Variants in SUGCT observed in about 807,000 individuals in gnomAD.
SUGCT encodes the protein succinyl-CoA:glutarate CoA-transferase.
Under a neutral mutation model 55.0 loss-of-function variants are expected in SUGCT, and 41 were observed. The observed-to-expected ratio is 0.74, with a 90% confidence interval of 0.58 to 0.97. SUGCT has a LOEUF of 0.97. Among genes scored for constraint, SUGCT ranks in the 50% least tolerant of loss-of-function variants. The pLI is 0.00. For missense variants in SUGCT, 568 were observed against 547.8 expected (o/e 1.04, Z -0.37); for synonymous variants, 187 against 200.4 (o/e 0.93, Z 0.56).
intron 13 of SUGCT, among the ~76,000 whole-genome samples, chr7:40,779,462 TAAC>T (rs1305156340): frequency 1.3e-5 from 2 of 152,178 alleles, no homozygotes; most frequent in Non-Finnish European, 2.9e-5. Flanking sequence ...CTTGGAGGCT[TAAC>T]AAGATTTTGA....
chr7:40,204,977 G>A (rs1301184694), intron 6 of SUGCT, among the ~76,000 whole-genome samples: 1 of 151,210 alleles, frequency 6.6e-6, no homozygotes, highest in Non-Finnish European at 1.5e-5. Flanking sequence ...AGAAGGGCCC[G>A]GTGCAATGGC....
At chr7:40,987,665 A>G in the SUGCT span, among the ~76,000 whole-genome samples, 2 of 152,204 alleles carry the variant, frequency 1.3e-5, no homozygotes, top group East Asian at 3.8e-4. Flanking sequence ...GCAATGATGA[A>G]GGAGGCAGAA....
intron 11 of SUGCT, among the ~76,000 whole-genome samples, chr7:40,480,297 G>A (rs371114132): frequency 3.3e-5 from 5 of 151,802 alleles, no homozygotes; most frequent in African/African-American, 4.8e-5. Flanking sequence ...TTCTATGTTC[G>A]TGGCATCCCT....
the SUGCT span, among the ~76,000 whole-genome samples, chr7:40,970,106 A>C: frequency 1.3e-5 from 2 of 152,160 alleles, no homozygotes. Flanking sequence ...GAGGCTTTTT[A>C]ATTGGGAACT....
chr7:40,948,189 C>T, the SUGCT span, among the ~76,000 whole-genome samples: 1 of 152,296 alleles, frequency 6.6e-6, no homozygotes, highest in African/African-American at 2.4e-5. Context: ...ATAGTTTCTA[C>T]AGTTTAGTTC....
the SUGCT span, among the ~76,000 whole-genome samples, chr7:40,892,374 G>C: frequency 6.6e-6 from 1 of 151,974 alleles, no homozygotes; most frequent in African/African-American, 2.4e-5. Context: ...AAAAGATAAA[G>C]AGACAGAAAT....
intron 9 of SUGCT, among the ~76,000 whole-genome samples, chr7:40,411,229 C>T (rs1436665308): frequency 6.6e-6 from 1 of 152,034 alleles, no homozygotes; most frequent in Non-Finnish European, 1.5e-5. Context: ...CCCATCCCTA[C>T]TAAAAATCCA....
intron 6 of SUGCT, among the ~76,000 whole-genome samples, chr7:40,212,163 C>A (rs1439272705): frequency 1.3e-5 from 2 of 151,698 alleles, no homozygotes; most frequent in Non-Finnish European, 2.9e-5. Flanking sequence ...CGGCTCACTG[C>A]AGCCTTGATC....
rs1786874983 is a variant in SUGCT, at chr7:40,731,256, A to C, written c.1090-18178A>C. ...ACGAGGCTACATGGTCGAACATAAT[A>C]GTCCAGTTTTTAAAAGTGCAGAGAC... On this transcript the variant is annotated intron_variant, in intron 12 of 13. Transcript: ENST00000335693. 3.3e-5 allele frequency among the ~76,000 whole-genome samples: 5 copies of C among 152,320 alleles called. No homozygotes were observed. In the South Asian group the frequency reaches 1.0e-3, roughly 32 times the overall value.
At chr7:40,237,467 T>C (rs1160528720) in intron 6 of SUGCT, among the ~76,000 whole-genome samples, 168 bp from the exon 7 acceptor site, 1 of 151,282 alleles carries the variant, frequency 6.6e-6, no homozygotes, top group East Asian at 2.0e-4. Flanking sequence ...GTAGCCGGGG[T>C]CGAGCACTAT....
chr7:40,628,917 T>G (rs182781868), intron 12 of SUGCT, among the ~76,000 whole-genome samples: 63 of 152,222 alleles, frequency 4.1e-4, no homozygotes, highest in African/African-American at 1.5e-3. Flanking sequence ...ATTTTTTGTA[T>G]TTTTGGTAGA....
At chr7:41,032,397 C>G in the SUGCT span, among the ~76,000 whole-genome samples, 1 of 151,708 alleles carries the variant, frequency 6.6e-6, no homozygotes, top group Non-Finnish European at 1.5e-5. Context: ...CAGTGAGAAG[C>G]AGAAGATTGC....
chr7:40,394,427 C>T (rs1785607801), intron 9 of SUGCT, among the ~76,000 whole-genome samples: 4 of 151,880 alleles, frequency 2.6e-5, no homozygotes. Flanking sequence ...ATAAATATGC[C>T]CATCTTCCAA....
intron 9 of SUGCT, 86 bp from the exon 10 acceptor site, chr7:40,449,201 C>G: frequency 1.2e-6 from 1 of 843,828 alleles, no homozygotes; most frequent in Non-Finnish European, 1.9e-6. Flanking sequence ...TTAGAACAAG[C>G]TTTCTATATA....
intron 9 of SUGCT, among the ~76,000 whole-genome samples, chr7:40,406,187 A>G (rs768442063): frequency 6.6e-6 from 1 of 152,110 alleles, no homozygotes; most frequent in Non-Finnish European, 1.5e-5. Context: ...TACAGATGAG[A>G]TGATACAGTG....
intron 9 of SUGCT, among the ~76,000 whole-genome samples, chr7:40,324,046 A>T (rs1795882404): frequency 1.3e-5 from 2 of 151,800 alleles, no homozygotes; most frequent in African/African-American, 4.8e-5. Flanking sequence ...AAAGAGAACT[A>T]CCTTATCTTT....
At chr7:40,625,844 G>GT (rs1799501874) in intron 12 of SUGCT, among the ~76,000 whole-genome samples, 1 of 152,126 alleles carries the variant, frequency 6.6e-6, no homozygotes, top group Non-Finnish European at 1.5e-5. Flanking sequence ...TGCAGGACAG[G>GT]TGAATGATTG....
At chr7:40,846,784 A>G (rs1227812119) in intron 13 of SUGCT, among the ~76,000 whole-genome samples, 1 of 152,216 alleles carries the variant, frequency 6.6e-6, no homozygotes, top group Non-Finnish European at 1.5e-5. Flanking sequence ...AGTGTTAACG[A>G]GCACGCACTT....
intron 12 of SUGCT, among the ~76,000 whole-genome samples, chr7:40,696,873 T>G (rs1784957216): frequency 6.6e-6 from 1 of 151,756 alleles, no homozygotes; most frequent in Middle Eastern, 3.2e-3. Context: ...CAAACTAGGG[T>G]CTGTGGAATA....
Sources: allele counts gnomAD v4.1 joint callset (sites outside exome capture counted in the v4.1 genomes callset), GRCh38; gene constraint gnomAD v4.1.1; transcripts MANE v1.5; gene names NCBI Gene and HGNC (gene_info 2026-07-23, HGNC 2026-07-21).